HTT: variants seen among roughly 807,000 people sequenced by gnomAD.
The protein encoded by HTT is huntingtin, also known as huntington disease protein.
Under a neutral mutation model 362.3 loss-of-function variants are expected in HTT, and 104 were observed. The observed-to-expected ratio is 0.29, with a 90% CI of 0.24 to 0.34. The LOEUF (loss-of-function observed/expected upper bound fraction) is 0.34. Among genes scored for constraint, HTT ranks in the 10% least tolerant of loss-of-function variants. The pLI, the probability that HTT is intolerant of heterozygous loss-of-function variation, is 1.00. For missense variants in HTT, 3,301 were observed against 3,928.6 expected (o/e 0.84, Z 4.27); for synonymous variants, 1,577 against 1,548.7 (o/e 1.02, Z -0.43).
intron 45 of HTT, among the ~76,000 whole-genome samples, chr4:3,208,359 A>G (rs1371352249): frequency 2.0e-5 from 3 of 152,282 alleles, no homozygotes; most frequent in Admixed American, 6.5e-5. Context: ...TGAAATGACC[A>G]TGAATTCCTA....
intron 64 of HTT, among the ~76,000 whole-genome samples, 196 bp downstream of exon 64, chr4:3,236,450 C>G (rs1231254146): frequency 6.6e-6 from 1 of 152,222 alleles, no homozygotes; most frequent in Non-Finnish European, 1.5e-5. Flanking sequence ...CCCCAGCACT[C>G]AGGTGTAGCG....
In HTT at chr4:3,146,944, T is replaced by C; in HGVS notation, c.3291T>C (p.Leu1097=). The change falls in exon 25 of 67, where the codon CTT becomes CTC. Residue 1097 remains leucine, a synonymous_variant. Coordinates refer to ENST00000355072, the MANE Select transcript of HTT (RefSeq NM_001388492.1). ...QDALILAGNL[L]AASAPKSLRS... ...CTTTGATTTTGGCCGGAAACTTGCT[T>C]GCAGGTACTGGTACTGAGTTGAAAC... 1 of 1,614,180 alleles carries C rather than the reference T, an allele frequency of 6.2e-7. No individual in the cohort carries two copies. Among genetic ancestry groups the C allele is most frequent in the Non-Finnish European group, 8.5e-7 (1 of 1,179,990 alleles).
In HTT at chr4:3,235,706, G is replaced by A. The variant is rs564865166; in HGVS notation, c.8713G>A (p.Asp2905Asn). 6.2e-7 allele frequency: 1 copy of A among 1,613,196 alleles called. No homozygotes were observed. The highest frequency in any genetic ancestry group is 1.7e-5 in the Admixed American group (1 of 60,024). The change falls in exon 63 of 67, where the codon GAC becomes AAC. Residue 2905 changes from aspartate (D) to asparagine (N), a missense_variant. This residue lies in a region of HTT where 753 missense variants were observed against 1,021.3 expected (regional missense o/e 0.74). Coordinates refer to ENST00000355072, the MANE Select transcript of HTT (RefSeq NM_001388492.1). Reference sequence around the variant, plus strand: ...AGAATCGCTGGTCAAGCTGAGTGTGGACAGAGTGAACGTGCACAGCCCGCA... The same window carrying A: ...AGAATCGCTGGTCAAGCTGAGTGTGAACAGAGTGAACGTGCACAGCCCGCA... The part of the protein sequence containing the change: ...DAESLVKLSV[D>N]RVNVHSPHRA...
chr4:3,142,902 G>T lies in HTT; in HGVS notation c.3066+16G>T. On this transcript the variant is annotated intron_variant, in intron 23 of 66. Transcript: ENST00000355072. ...AGCACTCACAGTAAGTCTCTTTCTT[G>T]ATCGGTCTTACTGACATTGTAATAG... 6.2e-7 allele frequency: 1 copy of T among 1,609,662 alleles called. No homozygotes were observed. Among genetic ancestry groups the T allele is most frequent in the South Asian group, 1.1e-5 (1 of 90,870 alleles).
chr4:3,160,239 G>A (rs552742253), intron 28 of HTT, 43 bp from the exon 29 acceptor site: 4 of 1,267,326 alleles, frequency 3.2e-6, no homozygotes, highest in African/African-American at 2.9e-5. Context: ...ATGAGATCGT[G>A]ACAGGGCCAG....
At chr4:3,230,444 C>T (rs186584538) in intron 60 of HTT, among the ~76,000 whole-genome samples, 97 of 152,262 alleles carry the variant, frequency 6.4e-4, no homozygotes, top group Admixed American at 1.6e-3. Context: ...ATGTTCCAGG[C>T]CCCCCGAGCT....
Position 3,131,518 on chromosome 4 carries a change from T to C in HTT, c.2099-120T>C, listed in dbSNP as rs1715815401. The stretch of plus-strand genomic sequence containing the variant: ...GTAGAATCTGAGGATGAGTTTGGTT[T>C]TCACTAGCCGAGGGGAGGGAGGAAA... On this transcript the variant is annotated intron_variant, in intron 15 of 66. Transcript: ENST00000355072. The C allele has an allele frequency of 2.0e-6, 3 of 1,521,004 alleles. No homozygotes were observed. The Admixed American group carries it at 5.1e-5, about 26-fold the overall frequency. The allele number at this position is 1,521,004 out of a possible 1,614,324, so 94.2% of individuals were successfully genotyped here. A position where few individuals can be genotyped will look rare whatever the true frequency, so the allele number is the denominator to read the frequency against.
intron 53 of HTT, among the ~76,000 whole-genome samples, chr4:3,220,787 G>A (rs1720634922): frequency 6.6e-6 from 1 of 152,184 alleles, no homozygotes; most frequent in African/African-American, 2.4e-5. Context: ...TGGGGAGAAA[G>A]CAGGCTTGGG....
chr4:3,113,179 G>A (rs1714850187), intron 6 of HTT: 1 of 176,890 alleles, frequency 5.7e-6, no homozygotes, highest in Non-Finnish European at 1.1e-5. Flanking sequence ...GGGATTCTTG[G>A]GATTGTAGAG....
intron 26 of HTT, among the ~76,000 whole-genome samples, chr4:3,152,288 C>T (rs1716933917): frequency 1.3e-5 from 2 of 151,948 alleles, no homozygotes; most frequent in African/African-American, 2.4e-5. Context: ...TTAGTAGAGA[C>T]GGGGTTTCAC....
chr4:3,187,576 A>G, intron 38 of HTT, 75 bp from the exon 39 acceptor site: 1 of 1,045,338 alleles, frequency 9.6e-7, no homozygotes, highest in Non-Finnish European at 1.5e-6. Flanking sequence ...ATTTTCTTTC[A>G]CAAAATTGGC....
intron 57 of HTT, among the ~76,000 whole-genome samples, chr4:3,226,931 C>T (rs74653830): frequency 0.019 from 2,924 of 152,340 alleles, 84 homozygotes; most frequent in African/African-American, 0.063. Context: ...TCTGTCCTTT[C>T]ACCTTTGACA....
intron 11 of HTT, among the ~76,000 whole-genome samples, 171 bp from the exon 12 acceptor site, chr4:3,127,093 T>C (rs1483159766): frequency 1.3e-5 from 2 of 152,224 alleles, no homozygotes; most frequent in East Asian, 1.9e-4. Flanking sequence ...TGGGAGGCAG[T>C]GTGAGAGATG....
At chr4:3,170,132 A>G (rs1373856687) in intron 29 of HTT, among the ~76,000 whole-genome samples, 1 of 152,030 alleles carries the variant, frequency 6.6e-6, no homozygotes, top group African/African-American at 2.4e-5. Context: ...TGGATGCCCA[A>G]CCTTGTGAAT....
At chr4:3,119,997 C>G (rs750480957) in intron 8 of HTT, among the ~76,000 whole-genome samples, 2 of 152,110 alleles carry the variant, frequency 1.3e-5, no homozygotes, top group African/African-American at 2.4e-5. Flanking sequence ...GGCTCTGTTC[C>G]GGTGAAACTT....
intron 5 of HTT, among the ~76,000 whole-genome samples, chr4:3,106,000 T>C (rs1306677026): frequency 6.6e-6 from 1 of 152,220 alleles, no homozygotes; most frequent in Non-Finnish European, 1.5e-5. Context: ...TGATATCCCA[T>C]AGACCCTCAG....
intron 14 of HTT, among the ~76,000 whole-genome samples, chr4:3,130,821 A>G (rs984281764): frequency 3.9e-5 from 6 of 152,174 alleles, no homozygotes; most frequent in Admixed American, 6.6e-5. Context: ...TTCCTCAAGG[A>G]CAAGGAATAG....
rs1720053981 is a variant in HTT, at chr4:3,209,725, T to C, written c.6292-102T>C. 4 of 1,420,534 alleles carry C rather than the reference T, an allele frequency of 2.8e-6. No homozygotes were observed. In the African/African-American group the frequency reaches 4.2e-5, roughly 15 times the overall value. The allele number at this position is 1,420,534 out of a possible 1,614,324, so 88.0% of individuals were successfully genotyped here. Reference sequence around the variant, plus strand: ...CCGGCCGGCAGCCCTCTCAGCCTAGTGCGGTGTTCCCAAGCACTGGCCTAG... The same window carrying C: ...CCGGCCGGCAGCCCTCTCAGCCTAGCGCGGTGTTCCCAAGCACTGGCCTAG... On this transcript the variant is annotated intron_variant, in intron 46 of 66. Transcript: ENST00000355072.
At position 3,180,872 on chromosome 4, in the gene HTT, G is replaced by T. The variant is rs568427846; in HGVS notation, c.4749+221G>T. 34 of 303,604 alleles carry T rather than the reference G, an allele frequency of 1.1e-4. 2 individuals carry two copies. The South Asian group carries it at 3.6e-3, about 32-fold the overall frequency. The allele number at this position is 303,604 out of a possible 1,614,324, so 18.8% of individuals were successfully genotyped here. A position where few individuals can be genotyped will look rare whatever the true frequency, so the allele number is the denominator to read the frequency against. On this transcript the variant is annotated intron_variant, in intron 36 of 66. Coordinates refer to ENST00000355072, the MANE Select transcript of HTT (RefSeq NM_001388492.1). ...GGTGCAGTGGCAGGAGGTGTTGTTG[G>T]TGTGTATCCTTTTTTTTTTTTTGAG... is the stretch of plus-strand genomic sequence containing the variant.
Sources: gnomAD v4.1 joint callset for allele counts (sites outside exome capture counted in the v4.1 genomes callset) on GRCh38, gnomAD v4.1.1 for gene constraint, gnomAD v4.1.1 regional missense constraint, MANE v1.5 for transcripts, NCBI Gene and HGNC (gene_info 2026-07-23, HGNC 2026-07-21) for gene names.